The following NRG3 variants were observed in gnomAD, a reference collection of about 807,000 sequenced individuals.
NRG3 encodes the protein pro-neuregulin-3, membrane-bound isoform.
A neutral mutation model predicts 66.9 loss-of-function variants in NRG3; 31 were observed. That is an observed-to-expected ratio of 0.46 (90% CI 0.35 to 0.63). NRG3 has a LOEUF of 0.63. Among genes scored for constraint, NRG3 ranks in the 20% least tolerant of loss-of-function variants. The pLI, the probability that NRG3 is intolerant of heterozygous loss-of-function variation, is 0.00. For synonymous variants in NRG3, 393 were observed against 359.4 expected, an observed-to-expected ratio of 1.09 and a Z score of -1.06; for missense variants, 910 against 878.9, an observed-to-expected ratio of 1.04 and a Z score of -0.45.
chr10:82,614,539 T>G (rs2133540763), intron 2 of NRG3, among the ~76,000 whole-genome samples: 1 of 152,326 alleles, frequency 6.6e-6, no homozygotes, highest in South Asian at 2.1e-4. Context: ...CAGTACTTAT[T>G]GAGCACTAAT....
At chr10:82,525,135 A>T (rs1008398101) in intron 2 of NRG3, among the ~76,000 whole-genome samples, 1 of 151,914 alleles carries the variant, frequency 6.6e-6, no homozygotes, top group Non-Finnish European at 1.5e-5. Context: ...TGGGCTTGAA[A>T]ATTTCTAAAA....
At chr10:82,356,979 C>T (rs2083824811) in intron 1 of NRG3, among the ~76,000 whole-genome samples, 2 of 152,080 alleles carry the variant, frequency 1.3e-5, no homozygotes. Flanking sequence ...AAGGACCTTA[C>T]AGAAGAAAGG....
intron 1 of NRG3, among the ~76,000 whole-genome samples, chr10:82,029,292 T>G (rs2132858885): frequency 6.6e-6 from 1 of 152,250 alleles, no homozygotes; most frequent in South Asian, 2.1e-4. Context: ...TAGTTAACTT[T>G]TCTCTGAAGA....
chr10:82,607,937 A>T (rs577901015), intron 2 of NRG3, among the ~76,000 whole-genome samples: 2 of 152,142 alleles, frequency 1.3e-5, no homozygotes, highest in Non-Finnish European at 2.9e-5. Flanking sequence ...AGTTACAATG[A>T]CCAAATACTT....
At chr10:82,480,372 A>G (rs555266012) in intron 2 of NRG3, among the ~76,000 whole-genome samples, 1 of 152,358 alleles carries the variant, frequency 6.6e-6, no homozygotes, top group South Asian at 2.1e-4. Context: ...TACATCACCA[A>G]AAAGTCATTT....
In NRG3 at chr10:82,577,860, T is replaced by C. The variant is rs529509734; in HGVS notation, c.954-160717T>C. Among the ~76,000 whole-genome samples the C allele has an allele frequency of 8.4e-4, 128 of 151,874 alleles. 1 individual carries two copies. Among genetic ancestry groups the C allele is most frequent in the Non-Finnish European group, 2.4e-4 (16 of 67,858 alleles). On this transcript the variant is annotated intron_variant, in intron 2 of 8. Coordinates refer to ENST00000372141, the MANE Select transcript of NRG3 (RefSeq NM_001010848.4). ...TTTTCTTCCTCTCAACAATTTATTT[T>C]CTCTCATGGCTTTGTTAAATTAGGT...
At chr10:82,636,205 A>G (rs2058258976) in intron 2 of NRG3, among the ~76,000 whole-genome samples, 1 of 143,972 alleles carries the variant, frequency 6.9e-6, no homozygotes, top group Admixed American at 7.3e-5. Flanking sequence ...GGTTTTCAAT[A>G]TGTGTGTCTA....
intron 2 of NRG3, among the ~76,000 whole-genome samples, chr10:82,431,908 T>G (rs1227572330): frequency 6.6e-6 from 1 of 152,174 alleles, no homozygotes; most frequent in Non-Finnish European, 1.5e-5. Context: ...GGATATAAAT[T>G]TACTTACATA....
chr10:82,118,135 C>T (rs781116166), intron 1 of NRG3, among the ~76,000 whole-genome samples: 2 of 151,652 alleles, frequency 1.3e-5, no homozygotes, highest in Non-Finnish European at 2.9e-5. Context: ...TTTGTCTACC[C>T]TCTGGTAGCT....
chr10:82,233,084 G>A (rs1291415966), intron 1 of NRG3, among the ~76,000 whole-genome samples: 1 of 152,192 alleles, frequency 6.6e-6, no homozygotes, highest in African/African-American at 2.4e-5. Context: ...AGTATTGGCG[G>A]CTGTTCGCAG....
At chr10:82,660,038 A>T (rs1359207037) in intron 2 of NRG3, among the ~76,000 whole-genome samples, 3 of 151,574 alleles carry the variant, frequency 2.0e-5, no homozygotes, top group African/African-American at 7.3e-5. Flanking sequence ...TCTACTAAAA[A>T]TACAAAAATT....
intron 3 of NRG3, among the ~76,000 whole-genome samples, chr10:82,743,150 C>A (rs1484352174): frequency 1.3e-5 from 2 of 152,078 alleles, no homozygotes; most frequent in Non-Finnish European, 2.9e-5. Context: ...TAGCATATTC[C>A]TGGCTGTGAT....
chr10:82,826,371 T>A (rs1431009917), intron 3 of NRG3, among the ~76,000 whole-genome samples: 1 of 152,228 alleles, frequency 6.6e-6, no homozygotes, highest in African/African-American at 2.4e-5. Context: ...TTTTCCAATG[T>A]GGCTCAATGC....
At chr10:82,805,647 T>C (rs2061247435) in intron 3 of NRG3, among the ~76,000 whole-genome samples, 1 of 151,910 alleles carries the variant, frequency 6.6e-6, no homozygotes, top group Non-Finnish European at 1.5e-5. Context: ...AGCAGACACA[T>C]GAGTTAAGAG....
intron 1 of NRG3, among the ~76,000 whole-genome samples, chr10:82,139,914 T>A (rs1241852438): frequency 6.6e-6 from 1 of 151,736 alleles, no homozygotes; most frequent in Non-Finnish European, 1.5e-5. Context: ...TCACCAGATT[T>A]GTTAGTCTCT....
At chr10:82,577,618 G>A (rs1367344024) in intron 2 of NRG3, among the ~76,000 whole-genome samples, 1 of 151,560 alleles carries the variant, frequency 6.6e-6, no homozygotes, top group Non-Finnish European at 1.5e-5. Context: ...TGTTGCACTA[G>A]CTTAAAAAAA....
At chr10:82,286,808 G>A (rs1462699755) in intron 1 of NRG3, among the ~76,000 whole-genome samples, 6 of 152,100 alleles carry the variant, frequency 3.9e-5, no homozygotes, top group South Asian at 2.1e-4. Flanking sequence ...GGCTGGTTTC[G>A]AACTCCTGAC....
At chr10:82,708,649 C>T (rs2056469512) in intron 2 of NRG3, among the ~76,000 whole-genome samples, 1 of 152,048 alleles carries the variant, frequency 6.6e-6, no homozygotes, top group Non-Finnish European at 1.5e-5. Flanking sequence ...TATATGTATA[C>T]TTTTTATTTC....
At chr10:82,597,934 A>C (rs1022063161) in intron 2 of NRG3, among the ~76,000 whole-genome samples, 1 of 152,068 alleles carries the variant, frequency 6.6e-6, no homozygotes, top group Admixed American at 6.6e-5. Flanking sequence ...AAAAAAAAAA[A>C]AGCTAACTTG....
Sources: allele counts gnomAD v4.1 joint callset (sites outside exome capture counted in the v4.1 genomes callset), GRCh38; gene constraint gnomAD v4.1.1; transcripts MANE v1.5; gene names NCBI Gene and HGNC (gene_info 2026-07-23, HGNC 2026-07-21).